Variants in PAIP1 observed in about 807,000 individuals in gnomAD.
PAIP1 encodes poly(A) binding protein interacting protein 1.
Under a neutral mutation model 61.3 loss-of-function variants are expected in PAIP1, and 16 were observed. The ratio of observed to expected loss-of-function variants is 0.26; its 90% CI spans 0.18 to 0.40. The LOEUF is 0.40. Among genes scored for constraint, PAIP1 ranks in the 10% least tolerant of loss-of-function variants. The pLI, the probability that PAIP1 is intolerant of heterozygous loss-of-function variation, is 1.00. For missense variants in PAIP1, 416 were observed against 600.9 expected (o/e 0.69, Z 3.22); for synonymous variants, 187 against 226.2 (o/e 0.83, Z 1.56).
Position 43,546,238 on chromosome 5 carries a change from T to C in PAIP1, c.621+1490A>G, listed in dbSNP as rs1013439850. 1.1e-4 allele frequency among the ~76,000 whole-genome samples: 17 copies of C among 152,354 alleles called. No homozygotes were observed. The East Asian group carries it at 2.1e-3, about 19-fold the overall frequency. ...ACTACATATTTGACAATCAGAGAAA[T>C]AGTTGACGCTTATCAGGTTACTGAC... On this transcript the variant is annotated intron_variant, in intron 3 of 10. Coordinates refer to ENST00000306846, the MANE Select transcript of PAIP1 (RefSeq NM_006451.5).
Position 43,527,315 on chromosome 5 carries a change from G to C in PAIP1, c.*61C>G. On this transcript the variant is annotated 3_prime_UTR_variant, in exon 11 of 11. Transcript: ENST00000306846. ...AGATGTGACATTTTCTTGCTCTCTT[G>C]TGTTCTGCTAAATCACCATACCTAA... is the stretch of plus-strand genomic sequence containing the variant. The C allele has an allele frequency of 7.1e-7, 1 of 1,410,124 alleles. No homozygotes were observed. Among genetic ancestry groups the C allele is most frequent in the Non-Finnish European group, 9.5e-7 (1 of 1,049,762 alleles). 87.4% of individuals were successfully genotyped at this position (1,410,124 alleles called of 1,614,324 possible). A position where few individuals can be genotyped will look rare whatever the true frequency, so the allele number is the denominator to read the frequency against.
chr5:43,537,778 G>T (rs1001686759), intron 5 of PAIP1, among the ~76,000 whole-genome samples: 2 of 152,068 alleles, frequency 1.3e-5, no homozygotes, highest in East Asian at 3.9e-4. Context: ...GGTAGCACCT[G>T]AGGTCAGGAG....
intron 3 of PAIP1, among the ~76,000 whole-genome samples, chr5:43,545,028 T>C (rs773048294): frequency 2.0e-5 from 3 of 152,222 alleles, no homozygotes; most frequent in Non-Finnish European, 4.4e-5. Context: ...TTTTATTCAT[T>C]TGCTGTGTTT....
chr5:43,533,347 G>A (rs1039151813), intron 9 of PAIP1, among the ~76,000 whole-genome samples: 6 of 152,096 alleles, frequency 3.9e-5, no homozygotes, highest in East Asian at 3.9e-4. Context: ...GTAATTCTTC[G>A]TGTAAAGTAT....
At chr5:43,540,630 C>T (rs1253235525) in intron 4 of PAIP1, among the ~76,000 whole-genome samples, 1 of 152,214 alleles carries the variant, frequency 6.6e-6, no homozygotes, top group Non-Finnish European at 1.5e-5. Context: ...TCCGTTCCAT[C>T]TTTTTCAAAG....
chr5:43,532,198 A>G (rs1746970782), intron 9 of PAIP1, among the ~76,000 whole-genome samples: 1 of 152,222 alleles, frequency 6.6e-6, no homozygotes. Context: ...GTTAGAAAAA[A>G]TAAAAAACAA....
At chr5:43,544,007 G>A (rs1015442413) in intron 3 of PAIP1, among the ~76,000 whole-genome samples, 13 of 151,984 alleles carry the variant, frequency 8.6e-5, no homozygotes, top group Admixed American at 6.6e-4. Flanking sequence ...AGCTGGGCAC[G>A]GTAGCATGCA....
rs536311667 is a variant in PAIP1 at position 43,556,805 on chromosome 5, G to T, written c.42C>A (p.Gly14=). 9 of 1,452,426 alleles carry T rather than the reference G, an allele frequency of 6.2e-6. No homozygotes were observed. The African/African-American group carries it at 8.9e-5, about 14-fold the overall frequency. The allele number at this position is 1,452,426 out of a possible 1,614,324, so 90.0% of individuals were successfully genotyped here. A position where few individuals can be genotyped will look rare whatever the true frequency, so the allele number is the denominator to read the frequency against. Residue 14 remains glycine (G), a synonymous_variant, in exon 1 of 11, where the codon GGC becomes GGA. Coordinates refer to ENST00000306846, the MANE Select transcript of PAIP1 (RefSeq NM_006451.5). The part of the protein sequence containing the change: ...GFDRAPGAGR[G]RSRGLGRGGG... ...CTCCGCGGCCCAGGCCCCGGCTCCG[G>T]CCCCGACCAGCACCTGGGGCCCGAT...
intron 7 of PAIP1, among the ~76,000 whole-genome samples, chr5:43,535,232 A>G (rs993436275): frequency 2.0e-5 from 3 of 152,246 alleles, no homozygotes; most frequent in African/African-American, 7.2e-5. Context: ...TACTTACAGT[A>G]GTACTTTTAT....
At chr5:43,543,238 T>C in intron 3 of PAIP1, 122 bp from the exon 4 acceptor site, 2 of 442,380 alleles carry the variant, frequency 4.5e-6, no homozygotes, top group Non-Finnish European at 8.3e-6. Flanking sequence ...TACAAGTCTT[T>C]TGTCATTGTT....
intron 6 of PAIP1, among the ~76,000 whole-genome samples, chr5:43,536,284 C>T (rs1331125473): frequency 1.3e-5 from 2 of 152,124 alleles, no homozygotes; most frequent in Non-Finnish European, 2.9e-5. Context: ...AAGAATTTAA[C>T]CTACAAAAGT....
At position 43,557,036 on chromosome 5, in the gene PAIP1, C is replaced by A; in HGVS notation, c.-190G>T. 9.9e-7 allele frequency: 1 copy of A among 1,005,396 alleles called. No homozygotes were observed. The highest frequency in any genetic ancestry group is 1.3e-6 in the Non-Finnish European group (1 of 778,406). 62.3% of individuals were successfully genotyped at this position (1,005,396 alleles called of 1,614,324 possible). On this transcript the variant is annotated 5_prime_UTR_variant, in exon 1 of 11. Coordinates refer to ENST00000306846, the MANE Select transcript of PAIP1 (RefSeq NM_006451.5). ...AGCGGACGGCAGCCCGAGCACCCGC[C>A]GCTCCAGAGCGCCCGCCCCGCTCGG...
rs980046952 is a variant in PAIP1, at chr5:43,550,212, AC to A, written c.436-2300del. 1.4e-4 allele frequency among the ~76,000 whole-genome samples: 21 copies of A among 152,260 alleles called. No homozygotes were observed. The East Asian group carries it at 1.5e-3, about 11-fold the overall frequency. On this transcript the variant is annotated intron_variant, in intron 2 of 10. Transcript: ENST00000306846. The stretch of plus-strand genomic sequence containing the variant: ...TGTCACGCATTTGAATTCAAGTTAA[AC>A]ATTCTACTATAATAGGAGGTATTAA...
chr5:43,535,921 G>C (rs1432252974), intron 6 of PAIP1, among the ~76,000 whole-genome samples: 1 of 151,288 alleles, frequency 6.6e-6, no homozygotes, highest in African/African-American at 2.4e-5. Flanking sequence ...TAGGCTATTA[G>C]ATTTTAATGA....
intron 9 of PAIP1, among the ~76,000 whole-genome samples, chr5:43,531,028 A>C (rs1016961598): frequency 6.6e-6 from 1 of 152,168 alleles, no homozygotes; most frequent in African/African-American, 2.4e-5. Context: ...AAAAAGACCA[A>C]GAAATATCTC....
rs1186703056 is a variant in PAIP1, at chr5:43,556,861, GCCT to G, written c.-18_-16del. ...CCGTCCGACATGCTCCTCCTCCTCC[GCCT>G]CCTCCTCCAGGGGCCGCTGCCGCTG... On this transcript the variant is annotated 5_prime_UTR_variant, in exon 1 of 11. Coordinates refer to ENST00000306846, the MANE Select transcript of PAIP1 (RefSeq NM_006451.5). 7 of 1,406,364 alleles carry G rather than the reference GCCT, an allele frequency of 5.0e-6. No homozygotes were observed. The highest frequency in any genetic ancestry group is 3.1e-5 in the East Asian group (1 of 32,538). The allele number at this position is 1,406,364 out of a possible 1,614,324, so 87.1% of individuals were successfully genotyped here.
intron 2 of PAIP1, among the ~76,000 whole-genome samples, chr5:43,548,285 A>C (rs74670832): frequency 0.076 from 11,594 of 152,188 alleles, 770 homozygotes; most frequent in African/African-American, 0.18. Context: ...GGAAGTATGG[A>C]CTAGGGATAT....
chr5:43,543,431 C>T (rs574010414), intron 3 of PAIP1, among the ~76,000 whole-genome samples: 1 of 151,940 alleles, frequency 6.6e-6, no homozygotes, highest in African/African-American at 2.4e-5. Flanking sequence ...CTCAACTGCA[C>T]AGTGACAATT....
In PAIP1 at chr5:43,527,882, T is replaced by C. The variant is rs1746769280; in HGVS notation, c.1347-413A>G. Among the ~76,000 whole-genome samples the C allele has an allele frequency of 3.3e-5, 5 of 152,192 alleles. No individual in the cohort carries two copies. The South Asian group carries it at 1.0e-3, about 31-fold the overall frequency. ...TCACCTCTAGTGATGCACTAATATT[T>C]TGTGTCTACTTAATAACAGAAAGTG... On this transcript the variant is annotated intron_variant, in intron 10 of 10. Coordinates refer to ENST00000306846, the MANE Select transcript of PAIP1 (RefSeq NM_006451.5).
Sources: gnomAD v4.1 joint callset for allele counts (sites outside exome capture counted in the v4.1 genomes callset) on GRCh38, gnomAD v4.1.1 for gene constraint, MANE v1.5 for transcripts, NCBI Gene and HGNC (gene_info 2026-07-23, HGNC 2026-07-21) for gene names.